TSHZ2: variants seen among roughly 807,000 people sequenced by gnomAD.
The protein encoded by TSHZ2 is teashirt homolog 2.
Under a neutral mutation model 74.4 loss-of-function variants are expected in TSHZ2, and 21 were observed. The observed-to-expected ratio is 0.28, with a 90% confidence interval of 0.20 to 0.41. The LOEUF is 0.41. Among genes scored for constraint, TSHZ2 ranks in the 10% least tolerant of loss-of-function variants. The pLI, the probability that TSHZ2 is intolerant of heterozygous loss-of-function variation, is 1.00. For synonymous variants in TSHZ2, 540 were observed against 515.3 expected, an observed-to-expected ratio of 1.05 and a Z score of -0.65; for missense variants, 1,244 against 1,293.5, an observed-to-expected ratio of 0.96 and a Z score of 0.59.
At chr20:53,290,963 G>A (rs1991266326) in intron 2 of TSHZ2, among the ~76,000 whole-genome samples, 1 of 152,182 alleles carries the variant, frequency 6.6e-6, no homozygotes, top group African/African-American at 2.4e-5. Context: ...AATGGAGACT[G>A]TTATGATCTA....
intron 2 of TSHZ2, among the ~76,000 whole-genome samples, chr20:53,276,069 G>A (rs1990939972): frequency 6.6e-6 from 1 of 152,198 alleles, no homozygotes; most frequent in Non-Finnish European, 1.5e-5. Context: ...GAGAGAGTTG[G>A]ATTCATACAT....
intron 1 of TSHZ2, among the ~76,000 whole-genome samples, chr20:53,127,065 AAG>A (rs1025226401): frequency 6.6e-6 from 1 of 152,206 alleles, no homozygotes; most frequent in African/African-American, 2.4e-5. Context: ...GGAGGCAGGA[AAG>A]AGAGAAGAGA....
chr20:53,238,914 T>C (rs896927537), intron 1 of TSHZ2, among the ~76,000 whole-genome samples: 4 of 151,586 alleles, frequency 2.6e-5, no homozygotes, highest in African/African-American at 9.7e-5. Context: ...GATGGGTGAT[T>C]TCAATTGTTA....
Position 52,972,736 on chromosome 20 carries a change from TGGAGGAGGAGGTGGAGGAGGA to T in TSHZ2, c.-546_-526del. 1 of 120,800 alleles carries T rather than the reference TGGAGGAGGAGGTGGAGGAGGA, an allele frequency of 8.3e-6. No individual in the cohort carries two copies. The highest frequency in any genetic ancestry group is 1.7e-5 in the Non-Finnish European group (1 of 59,550). 7.5% of individuals were successfully genotyped at this position (120,800 alleles called of 1,614,324 possible). On this transcript the variant is annotated 5_prime_UTR_variant, in exon 1 of 3. Transcript: ENST00000371497. ...GAGGAGGAAGAAAAGAAGGAGGAGG[TGGAGGAGGAGGTGGAGGAGGA>T]GGAGGAGGAGGGAAAGAGGAGAAGG...
intron 1 of TSHZ2, among the ~76,000 whole-genome samples, chr20:53,175,604 G>C (rs1005823370): frequency 6.6e-6 from 1 of 152,198 alleles, no homozygotes; most frequent in Non-Finnish European, 1.5e-5. Context: ...TTCGAGGGAA[G>C]TCAGGTCAGT....
rs771950050 is a variant in TSHZ2 at position 53,256,068 on chromosome 20, C to G, written c.2610C>G (p.Gly870=). ...FASSLFQTSE[G]KYLLSDLGPQ... ...CGAGCCTCTTCCAGACATCAGAGGG[C>G]AAATACCTGCTGTCTGATCTGGGCC... is the stretch of plus-strand genomic sequence containing the variant. The change falls in exon 2 of 3, where the codon GGC becomes GGG. Residue 870 remains glycine (G), a synonymous_variant. Coordinates refer to ENST00000371497, the MANE Select transcript of TSHZ2 (RefSeq NM_173485.6). This position sits in a 1 kb window ranked among gnomAD's most constrained non-coding sequence, Gnocchi z 4.3. The G allele has an allele frequency of 6.2e-7, 1 of 1,614,068 alleles. No individual in the cohort carries two copies. Among genetic ancestry groups the G allele is most frequent in the South Asian group, 1.1e-5 (1 of 91,054 alleles).
At chr20:53,179,157 T>A (rs79460101) in intron 1 of TSHZ2, 3 of 147,938 alleles carry the variant, frequency 2.0e-5, no homozygotes, top group African/African-American at 7.6e-5. Context: ...TTTTTTTTTT[T>A]AAGGAAAAGA....
intron 1 of TSHZ2, among the ~76,000 whole-genome samples, chr20:53,113,778 C>T (rs973069595): frequency 6.6e-6 from 1 of 152,138 alleles, no homozygotes; most frequent in Admixed American, 6.5e-5. Flanking sequence ...TTAGGCATCT[C>T]CTCTTATCAC....
intron 1 of TSHZ2, among the ~76,000 whole-genome samples, chr20:53,005,368 G>A (rs1391412416): frequency 6.6e-6 from 1 of 152,122 alleles, no homozygotes; most frequent in Admixed American, 6.6e-5. Context: ...GAACTATTTA[G>A]AAATATAAAA....
intron 1 of TSHZ2, among the ~76,000 whole-genome samples, chr20:53,090,355 A>G (rs1260252024): frequency 6.6e-6 from 1 of 152,150 alleles, no homozygotes; most frequent in East Asian, 1.9e-4. Flanking sequence ...GCGTCCTTCA[A>G]TTCAATCAAA....
At chr20:53,134,555 T>C (rs1156909935) in intron 1 of TSHZ2, among the ~76,000 whole-genome samples, 2 of 152,070 alleles carry the variant, frequency 1.3e-5, no homozygotes, top group Non-Finnish European at 2.9e-5. Context: ...ATCTCAGGAT[T>C]TTGACTTGTC....
chr20:53,080,647 G>A (rs185476638), intron 1 of TSHZ2, among the ~76,000 whole-genome samples: 6 of 152,220 alleles, frequency 3.9e-5, no homozygotes, highest in Admixed American at 1.3e-4. Context: ...AACAGGGTTC[G>A]TACTCCTATG....
At chr20:52,983,698 G>A (rs2122886515) in intron 1 of TSHZ2, among the ~76,000 whole-genome samples, 1 of 152,298 alleles carries the variant, frequency 6.6e-6, no homozygotes, top group African/African-American at 2.4e-5. Context: ...TTTGCGCATC[G>A]TGACATCACG....
At chr20:53,087,347 A>G (rs945238973) in intron 1 of TSHZ2, among the ~76,000 whole-genome samples, 3 of 152,202 alleles carry the variant, frequency 2.0e-5, no homozygotes, top group African/African-American at 7.2e-5. Flanking sequence ...TTGTTTGCAC[A>G]GTTGGTCAGC....
chr20:53,235,464 C>T (rs1188237031), intron 1 of TSHZ2, among the ~76,000 whole-genome samples: 1 of 152,200 alleles, frequency 6.6e-6, no homozygotes, highest in East Asian at 1.9e-4. Context: ...GCCACCACCC[C>T]TGGCCAGGAC....
chr20:53,354,255 A>G (rs1292344983), intron 2 of TSHZ2, among the ~76,000 whole-genome samples: 1 of 152,224 alleles, frequency 6.6e-6, no homozygotes, highest in Non-Finnish European at 1.5e-5. Flanking sequence ...TTCGGGAAAC[A>G]TGAGGAGACA....
intron 1 of TSHZ2, among the ~76,000 whole-genome samples, chr20:53,251,940 G>A (rs189622526): frequency 1.5e-4 from 23 of 152,304 alleles, no homozygotes; most frequent in African/African-American, 4.3e-4. Flanking sequence ...AGGCAGACTT[G>A]GGTGTCTGTC....
At chr20:53,202,676 A>G (rs984375378) in intron 1 of TSHZ2, among the ~76,000 whole-genome samples, 2 of 152,188 alleles carry the variant, frequency 1.3e-5, no homozygotes, top group South Asian at 2.1e-4. Flanking sequence ...AGAAATGTCT[A>G]AATTCTAAAT....
intron 2 of TSHZ2, among the ~76,000 whole-genome samples, chr20:53,360,652 C>T (rs1001763220): frequency 6.6e-6 from 1 of 152,104 alleles, no homozygotes; most frequent in Non-Finnish European, 1.5e-5. Flanking sequence ...CTGTGCTAAG[C>T]GTTTATGGGG....
Sources: gnomAD v4.1 joint callset for allele counts (sites outside exome capture counted in the v4.1 genomes callset) on GRCh38, gnomAD v4.1.1 for gene constraint, Gnocchi (gnomAD v3.1) non-coding constraint, MANE v1.5 for transcripts, NCBI Gene and HGNC (gene_info 2026-07-23, HGNC 2026-07-21) for gene names.